CPT1A: variants seen among roughly 807,000 people sequenced by gnomAD.
CPT1A encodes the protein carnitine palmitoyltransferase 1A, also known as carnitine O-palmitoyltransferase 1, liver isoform.
Under a neutral mutation model 100.8 loss-of-function variants are expected in CPT1A, and 64 were observed. The ratio of observed to expected loss-of-function variants is 0.63; its 90% CI spans 0.52 to 0.78. The LOEUF (loss-of-function observed/expected upper bound fraction) is 0.78. Ranked by LOEUF, CPT1A falls within the 30% of genes least tolerant of loss-of-function variation. CPT1A has a pLI of 0.00. For missense variants in CPT1A, 802 were observed against 1,034.1 expected (o/e 0.78, Z 3.08); for synonymous variants, 363 against 396.0 (o/e 0.92, Z 0.99).
intron 1 of CPT1A, among the ~76,000 whole-genome samples, chr11:68,821,432 C>T (rs1057288210): frequency 5.9e-5 from 9 of 151,846 alleles, no homozygotes; most frequent in Non-Finnish European, 1.2e-4. Context: ...GGATTACAGG[C>T]GTGAGCCACC....
Position 68,839,633 on chromosome 11 carries a change from A to G in CPT1A, c.-14+2142T>C, listed in dbSNP as rs533386019. ...CAGTGCTTCTGATGACAGATGCTGC[A>G]TCCAACGAGCCAGAAACGCAGGCAC... On this transcript the variant is annotated intron_variant, in intron 1 of 18. Transcript: ENST00000265641. 8 of 985,494 alleles carry G rather than the reference A, an allele frequency of 8.1e-6. No individual in the cohort carries two copies. In the Admixed American group the frequency reaches 4.3e-4, roughly 53 times the overall value. 61.0% of individuals were successfully genotyped at this position (985,494 alleles called of 1,614,324 possible).
chr11:68,833,976 C>T (rs1298435650), intron 1 of CPT1A, among the ~76,000 whole-genome samples: 2 of 152,142 alleles, frequency 1.3e-5, no homozygotes, highest in Non-Finnish European at 2.9e-5. Flanking sequence ...TGCTCCACTA[C>T]ACCCAGCCTG....
chr11:68,800,556 C>T (rs1169010423), intron 5 of CPT1A, among the ~76,000 whole-genome samples: 1 of 151,560 alleles, frequency 6.6e-6, no homozygotes, highest in Admixed American at 6.6e-5. Context: ...ATCCCAGCTA[C>T]TTGGAAGGTT....
At chr11:68,839,531 A>T (rs1275670592) in intron 1 of CPT1A, 4 of 985,350 alleles carry the variant, frequency 4.1e-6, no homozygotes, top group Non-Finnish European at 3.6e-6. Flanking sequence ...CCCCAGCGAC[A>T]GCGGGAGAAA....
intron 1 of CPT1A, among the ~76,000 whole-genome samples, chr11:68,833,873 T>A (rs766002643): frequency 2.4e-4 from 37 of 152,202 alleles, no homozygotes; most frequent in Non-Finnish European, 4.1e-4. Context: ...ATTTTTTTTT[T>A]ATAAGACAGG....
In CPT1A at chr11:68,834,694, T is replaced by C. The variant is rs144226697; in HGVS notation, c.-14+7081A>G. ...AGTTTGAGGTTATAGTGAGCTATGATCACGCCACTGCACTCTAGCCTGGAT... is the reference window on the plus strand; with the variant it reads ...AGTTTGAGGTTATAGTGAGCTATGACCACGCCACTGCACTCTAGCCTGGAT... On this transcript the variant is annotated intron_variant, in intron 1 of 18. Transcript: ENST00000265641. 3.3e-4 allele frequency among the ~76,000 whole-genome samples: 51 copies of C among 152,240 alleles called. No individual in the cohort carries two copies. In the East Asian group the frequency reaches 9.1e-3, roughly 27 times the overall value.
At chr11:68,805,021 C>A (rs1856003645) in intron 4 of CPT1A, among the ~76,000 whole-genome samples, 2 of 152,310 alleles carry the variant, frequency 1.3e-5, no homozygotes, top group South Asian at 4.1e-4. Context: ...CAGCTGTGAA[C>A]CCACTGGAGG....
intron 3 of CPT1A, among the ~76,000 whole-genome samples, chr11:68,808,356 A>C (rs1252979458): frequency 2.0e-5 from 3 of 152,066 alleles, no homozygotes; most frequent in African/African-American, 7.2e-5. Flanking sequence ...GGACTTTAAA[A>C]ATGAGATGAA....
At chr11:68,798,780 G>A (rs2924675) in intron 6 of CPT1A, among the ~76,000 whole-genome samples, 136,338 of 152,228 alleles carry the variant, frequency 0.9, 62,228 homozygotes, top group Non-Finnish European at 0.98. Context: ...AACAGCTCAC[G>A]GGAGGACTCT....
At chr11:68,823,834 A>AAGGGAC (rs1210910260) in intron 1 of CPT1A, among the ~76,000 whole-genome samples, 2 of 152,108 alleles carry the variant, frequency 1.3e-5, no homozygotes, top group Non-Finnish European at 2.9e-5. Flanking sequence ...CCCTTGCAGT[A>AAGGGAC]ATATGGATGC....
chr11:68,765,537 GA>G (rs1854774763), intron 14 of CPT1A, among the ~76,000 whole-genome samples: 1 of 152,156 alleles, frequency 6.6e-6, no homozygotes, highest in Non-Finnish European at 1.5e-5. Flanking sequence ...TAGATATACT[GA>G]CATATATGGC....
rs1469541569 is a variant in CPT1A, at chr11:68,775,385, C to T, written c.1506G>A (p.Gly502=). Residue 502 remains glycine (G), a synonymous_variant, in exon 13 of 19, where the codon GGG becomes GGA. Transcript: ENST00000265641. ...TCGGATTGATGTCGCCTTTGCAGTG[C>T]CCATCCTCCGCATAGCCCAGCTGGA... is the stretch of plus-strand genomic sequence containing the variant. ...DSLQLGYAED[G]HCKGDINPNI... 2 of 1,614,102 alleles carry T rather than the reference C, an allele frequency of 1.2e-6. No individual in the cohort carries two copies. The highest frequency in any genetic ancestry group is 2.7e-5 in the African/African-American group (2 of 74,938).
At position 68,755,668 on chromosome 11, in the gene CPT1A, CAA is replaced by C. The variant is rs1336148716; in HGVS notation, c.*1974_*1975del. On this transcript the variant is annotated 3_prime_UTR_variant, in exon 19 of 19. Coordinates refer to ENST00000265641, the MANE Select transcript of CPT1A (RefSeq NM_001876.4). ...TCGTGATCCGCCCGCCTTGGCCTCC[CAA>C]AGTGCTGGGATTACACGCATGAGCC... The C allele has an allele frequency of 2.0e-5, 3 of 146,632 alleles. No homozygotes were observed. Among genetic ancestry groups the C allele is most frequent in the Non-Finnish European group, 4.5e-5 (3 of 67,250 alleles). The allele number at this position is 146,632 out of a possible 1,614,324, so 9.1% of individuals were successfully genotyped here.
intron 1 of CPT1A, among the ~76,000 whole-genome samples, chr11:68,829,155 T>A (rs560693555): frequency 1.5e-4 from 23 of 152,076 alleles, no homozygotes; most frequent in Admixed American, 2.0e-4. Context: ...GGACTAGGGG[T>A]GTTCACTCCA....
intron 12 of CPT1A, among the ~76,000 whole-genome samples, chr11:68,778,620 G>A (rs530903086): frequency 6.6e-5 from 10 of 151,314 alleles, no homozygotes; most frequent in South Asian, 6.3e-4. Context: ...CACTTGAACC[G>A]GGGAGGCAGA....
In CPT1A at chr11:68,836,680, G is replaced by A. The variant is rs191387013; in HGVS notation, c.-14+5095C>T. Among the ~76,000 whole-genome samples the A allele has an allele frequency of 6.2e-4, 94 of 152,100 alleles. 1 individual carries two copies. The Middle Eastern group carries it at 0.017, about 28-fold the overall frequency. ...CCAGCTGCTTGGGAGGCTGAGGCAG[G>A]AGAATCACTTGAACCCAGAAGGCAG... On this transcript the variant is annotated intron_variant, in intron 1 of 18. Transcript: ENST00000265641.
downstream of CPT1A, chr11:68,754,711 G>C: frequency 1.3e-6 from 1 of 742,686 alleles, no homozygotes; most frequent in Non-Finnish European, 2.5e-6. Flanking sequence ...TGCACAGCAA[G>C]TGAAAATCAA....
At chr11:68,791,699 G>A (rs1855619352) in intron 9 of CPT1A, among the ~76,000 whole-genome samples, 1 of 152,074 alleles carries the variant, frequency 6.6e-6, no homozygotes, top group Non-Finnish European at 1.5e-5. Context: ...ACCATACCTG[G>A]CTAATTTTGT....
chr11:68,808,871 T>C (rs1055138449), intron 3 of CPT1A, among the ~76,000 whole-genome samples: 1 of 151,208 alleles, frequency 6.6e-6, no homozygotes, highest in Non-Finnish European at 1.5e-5. Flanking sequence ...TTTGGGAGGC[T>C]GAGATGGGTG....
Sources: allele counts gnomAD v4.1 joint callset (sites outside exome capture counted in the v4.1 genomes callset), GRCh38; gene constraint gnomAD v4.1.1; transcripts MANE v1.5; gene names NCBI Gene and HGNC (gene_info 2026-07-23, HGNC 2026-07-21).